Variants in B4GALNT3 observed in about 807,000 individuals in gnomAD.
B4GALNT3 encodes beta-1,4-N-acetylgalactosaminyltransferase 3.
In B4GALNT3, 86 loss-of-function variants were observed where a neutral mutation model predicts 120.2. The ratio of observed to expected loss-of-function variants is 0.72; its 90% CI spans 0.60 to 0.86. The LOEUF is 0.86. Ranked by LOEUF, B4GALNT3 falls within the 40% of genes least tolerant of loss-of-function variation. The pLI is 0.00. For synonymous variants in B4GALNT3, 518 were observed against 510.4 expected, an observed-to-expected ratio of 1.01 and a Z score of -0.20; for missense variants, 1,167 against 1,298.9, an observed-to-expected ratio of 0.90 and a Z score of 1.56.
chr12:546,127 C>G (rs541976332), intron 6 of B4GALNT3, among the ~76,000 whole-genome samples: 61 of 128,658 alleles, frequency 4.7e-4, no homozygotes, highest in Non-Finnish European at 8.1e-4. Context: ...GAGGGAAAAG[C>G]GGGAAGGAGT....
In B4GALNT3 at chr12:512,095, T is replaced by C. The variant is rs372390622; in HGVS notation, c.170-23071T>C. ...AACCTTCCACCTTCGACCTTCCACCTTCCACCTTCCACCTTCTTCCACCTT... is the reference window on the plus strand; with the variant it reads ...AACCTTCCACCTTCGACCTTCCACCCTCCACCTTCCACCTTCTTCCACCTT... On this transcript the variant is annotated intron_variant, in intron 1 of 19. Coordinates refer to ENST00000266383, the MANE Select transcript of B4GALNT3 (RefSeq NM_173593.4). 2.3e-4 allele frequency among the ~76,000 whole-genome samples: 30 copies of C among 132,764 alleles called. No homozygotes were observed. In the East Asian group the frequency reaches 3.8e-3, roughly 17 times the overall value. 87.1% of individuals were successfully genotyped at this position (132,764 alleles called of 152,430 possible). A position where few individuals can be genotyped will look rare whatever the true frequency, so the allele number is the denominator to read the frequency against.
intron 1 of B4GALNT3, among the ~76,000 whole-genome samples, chr12:461,561 C>T (rs1946022805): frequency 6.6e-6 from 1 of 152,218 alleles, no homozygotes; most frequent in African/African-American, 2.4e-5. Flanking sequence ...AGCCGAGGTT[C>T]AAAGTTCTGG....
intron 1 of B4GALNT3, among the ~76,000 whole-genome samples, chr12:470,537 C>G (rs768069911): frequency 6.6e-6 from 1 of 152,242 alleles, no homozygotes; most frequent in Non-Finnish European, 1.5e-5. Flanking sequence ...TACGTACTCT[C>G]TGTCCCGGGT....
At chr12:462,217 G>A (rs961871483) in intron 1 of B4GALNT3, among the ~76,000 whole-genome samples, 4 of 152,040 alleles carry the variant, frequency 2.6e-5, no homozygotes, top group Non-Finnish European at 5.9e-5. Flanking sequence ...TGGGGGCCTG[G>A]GAGGCGACAC....
intron 1 of B4GALNT3, among the ~76,000 whole-genome samples, chr12:512,442 T>TCCGCCTTCCA (rs1592033304): frequency 8.1e-6 from 1 of 123,498 alleles, no homozygotes. Flanking sequence ...CCTTCCATCT[T>TCCGCCTTCCA]CCTTCCACCT....
intron 1 of B4GALNT3, among the ~76,000 whole-genome samples, chr12:523,118 T>C (rs917303366): frequency 1.3e-5 from 2 of 152,144 alleles, no homozygotes; most frequent in African/African-American, 4.8e-5. Context: ...CCATTGTGAG[T>C]GTCCACAGGG....
intron 1 of B4GALNT3, among the ~76,000 whole-genome samples, chr12:506,524 A>G (rs1946497715): frequency 6.6e-6 from 1 of 152,228 alleles, no homozygotes; most frequent in Non-Finnish European, 1.5e-5. Context: ...TCACAGAAGT[A>G]AGCACCATAA....
rs367696016 is a variant in B4GALNT3, at chr12:542,500, C to T, written c.352-1839C>T. Among the ~76,000 whole-genome samples, 19 of 152,320 alleles carry T rather than the reference C, an allele frequency of 1.2e-4. No homozygotes were observed. In the South Asian group the frequency reaches 3.7e-3, roughly 30 times the overall value. On this transcript the variant is annotated intron_variant, in intron 3 of 19. Coordinates refer to ENST00000266383, the MANE Select transcript of B4GALNT3 (RefSeq NM_173593.4). The stretch of plus-strand genomic sequence containing the variant: ...ATGGCGGGGAGGCCAGGGCAGGCTG[C>T]TGGTAGGGAGTCACCAGGCCCCACC...
intron 3 of B4GALNT3, among the ~76,000 whole-genome samples, chr12:536,608 G>A (rs1292872992): frequency 1.3e-5 from 2 of 152,102 alleles, no homozygotes; most frequent in African/African-American, 4.8e-5. Flanking sequence ...TCAGCCTCCT[G>A]ACTAGCTGGG....
At chr12:511,345 C>G (rs1429851432) in intron 1 of B4GALNT3, among the ~76,000 whole-genome samples, 3 of 74,292 alleles carry the variant, frequency 4.0e-5, no homozygotes, top group African/African-American at 2.2e-4. Context: ...ACCTTCCTTC[C>G]ACCTTCCACC....
intron 1 of B4GALNT3, among the ~76,000 whole-genome samples, chr12:514,079 T>A (rs1946625218): frequency 1.3e-5 from 2 of 152,218 alleles, no homozygotes; most frequent in Admixed American, 6.5e-5. Flanking sequence ...AGTAACTCCA[T>A]GTTTTGAGGG....
intron 1 of B4GALNT3, among the ~76,000 whole-genome samples, chr12:519,903 C>T (rs1946690311): frequency 6.6e-6 from 1 of 152,324 alleles, no homozygotes; most frequent in Middle Eastern, 3.4e-3. Flanking sequence ...AGTACTCTCT[C>T]ATTGGCCGGG....
Position 545,406 on chromosome 12 carries a change from G to A in B4GALNT3, c.576G>A (p.Ala192=), listed in dbSNP as rs750211938. The stretch of plus-strand genomic sequence containing the variant: ...TTGCCATTGCTGCAGATGACAACGC[G>A]GAGTTCTGGCTGAGCCTCGATGACC... The part of the protein sequence containing the change: ...IQFAIAADDN[A]EFWLSLDDQV... Residue 192 remains alanine, a synonymous_variant, in exon 6 of 20, where the codon GCG becomes GCA. Transcript: ENST00000266383. The A allele has an allele frequency of 7.4e-6, 12 of 1,612,008 alleles. No individual in the cohort carries two copies. Among genetic ancestry groups the A allele is most frequent in the East Asian group, 2.2e-5 (1 of 44,876 alleles).
At chr12:525,258 A>ACC (rs1374346389) in intron 1 of B4GALNT3, among the ~76,000 whole-genome samples, 2 of 152,052 alleles carry the variant, frequency 1.3e-5, no homozygotes, top group Non-Finnish European at 2.9e-5. Context: ...ACAGGTAAGC[A>ACC]CCACCACACC....
chr12:546,270 TGGGAGGAGTGGGGCAGAGAGTGCGGACA>T (rs1947007777), intron 6 of B4GALNT3, among the ~76,000 whole-genome samples: 2 of 58,052 alleles, frequency 3.4e-5, no homozygotes, highest in African/African-American at 7.2e-5. Context: ...AGTGGGGAGG[TGGGAGGAGTGGGGCAGAGAGTGCGGACA>T]GGGAGGAGTG....
At chr12:488,207 A>G (rs1946309278) in intron 1 of B4GALNT3, among the ~76,000 whole-genome samples, 1 of 152,130 alleles carries the variant, frequency 6.6e-6, no homozygotes, top group Non-Finnish European at 1.5e-5. Flanking sequence ...TGATTCTTCA[A>G]AAGTGAAGCA....
intron 15 of B4GALNT3, among the ~76,000 whole-genome samples, chr12:557,332 A>G (rs769948883): frequency 2.2e-4 from 33 of 152,194 alleles, no homozygotes; most frequent in Non-Finnish European, 4.3e-4. Flanking sequence ...TGGCAGGGCT[A>G]CTGACAATGA....
At chr12:533,516 C>G (rs951691631) in intron 1 of B4GALNT3, among the ~76,000 whole-genome samples, 2 of 152,216 alleles carry the variant, frequency 1.3e-5, no homozygotes, top group Non-Finnish European at 2.9e-5. Flanking sequence ...CCTGCTGAGG[C>G]CTCTGCGCCG....
chr12:470,214 G>A (rs1042904880), intron 1 of B4GALNT3, among the ~76,000 whole-genome samples: 8 of 152,326 alleles, frequency 5.3e-5, no homozygotes, highest in East Asian at 3.9e-4. Flanking sequence ...CGCCTGAACC[G>A]AGAGGTGGCA....
Sources: allele counts gnomAD v4.1 joint callset (sites outside exome capture counted in the v4.1 genomes callset), GRCh38; gene constraint gnomAD v4.1.1; transcripts MANE v1.5; gene names NCBI Gene and HGNC (gene_info 2026-07-23, HGNC 2026-07-21).